FBXL2: variants seen among roughly 807,000 people sequenced by gnomAD.
FBXL2 encodes F-box and leucine rich repeat protein 2, also known as F-box/LRR-repeat protein 2.
In FBXL2, 38 loss-of-function variants were observed where a neutral mutation model predicts 69.2. That is an observed-to-expected ratio of 0.55 (90% CI 0.42 to 0.72). The LOEUF is 0.72. Ranked by LOEUF, FBXL2 falls within the 30% of genes least tolerant of loss-of-function variation. The pLI, the probability that FBXL2 is intolerant of heterozygous loss-of-function variation, is 0.00. For synonymous variants in FBXL2, 192 were observed against 201.3 expected (o/e 0.95, Z 0.39); for missense variants, 354 against 520.3 (o/e 0.68, Z 3.11).
the FBXL2 span, among the ~76,000 whole-genome samples, chr3:33,421,036 A>G: frequency 6.6e-6 from 1 of 152,232 alleles, no homozygotes; most frequent in East Asian, 1.9e-4. Flanking sequence ...GTAGCAAGTC[A>G]GCAAGGGGGT....
intron 1 of FBXL2, among the ~76,000 whole-genome samples, chr3:33,294,157 C>T (rs898718837): frequency 7.2e-5 from 11 of 152,124 alleles, no homozygotes; most frequent in South Asian, 2.1e-4. Context: ...AGTGCAGTAG[C>T]GTGGTCATAG....
At chr3:33,377,470 T>C (rs2042718705) in intron 11 of FBXL2, 137 bp downstream of exon 11, 1 of 776,790 alleles carries the variant, frequency 1.3e-6, no homozygotes, top group African/African-American at 1.7e-5. Context: ...CCTTGGGGTG[T>C]GTACTGCAGT....
At chr3:33,341,096 C>CAGAAAG (rs2039985132) in intron 2 of FBXL2, among the ~76,000 whole-genome samples, 1 of 152,048 alleles carries the variant, frequency 6.6e-6, no homozygotes, top group African/African-American at 2.4e-5. Context: ...GCTTTCAATG[C>CAGAAAG]TTCTTATTAC....
intron 2 of FBXL2, among the ~76,000 whole-genome samples, chr3:33,326,002 G>T (rs2038661402): frequency 6.6e-6 from 1 of 152,212 alleles, no homozygotes; most frequent in Non-Finnish European, 1.5e-5. Flanking sequence ...CTATTCTGGT[G>T]TCATTTTTCT....
chr3:33,416,793 C>G, the FBXL2 span: 3 of 1,613,580 alleles, frequency 1.9e-6, no homozygotes, highest in South Asian at 3.3e-5. Flanking sequence ...GGCATATCAC[C>G]CATTTTCCGA....
At chr3:33,347,092 T>A (rs1221474732) in intron 2 of FBXL2, among the ~76,000 whole-genome samples, 2 of 152,146 alleles carry the variant, frequency 1.3e-5, no homozygotes, top group Non-Finnish European at 2.9e-5. Flanking sequence ...CCATTAACCA[T>A]CCCTATGTCC....
At chr3:33,355,761 G>A (rs891643999) in intron 2 of FBXL2, among the ~76,000 whole-genome samples, 3 of 152,186 alleles carry the variant, frequency 2.0e-5, no homozygotes, top group African/African-American at 7.2e-5. Flanking sequence ...TTGAGATAAG[G>A]AAGCACTTTC....
intron 2 of FBXL2, among the ~76,000 whole-genome samples, chr3:33,316,789 T>A (rs144527080): frequency 6.6e-6 from 1 of 152,312 alleles, no homozygotes; most frequent in East Asian, 1.9e-4. Flanking sequence ...AAGTATAATT[T>A]ACAGACAATA....
At chr3:33,349,067 T>C (rs1336241606) in intron 2 of FBXL2, among the ~76,000 whole-genome samples, 1 of 152,182 alleles carries the variant, frequency 6.6e-6, no homozygotes, top group Non-Finnish European at 1.5e-5. Flanking sequence ...CAAACAAGGA[T>C]AATGTGACTT....
chr3:33,304,780 AGTGCCAAACTGAATCTCTTTCCAAC>A (rs2036575765), intron 2 of FBXL2, among the ~76,000 whole-genome samples: 2 of 152,076 alleles, frequency 1.3e-5, no homozygotes, highest in African/African-American at 4.8e-5. Flanking sequence ...TAAGAGATTC[AGTGCCAAACTGAATCTCTTTCCAAC>A]ACTTAGTGTT....
intron 1 of FBXL2, among the ~76,000 whole-genome samples, chr3:33,287,907 T>C (rs2034815850): frequency 6.6e-6 from 1 of 152,252 alleles, no homozygotes; most frequent in Admixed American, 6.5e-5. Context: ...CAAGCTGTTG[T>C]CATGTTGTCT....
chr3:33,418,397 G>C, the FBXL2 span, among the ~76,000 whole-genome samples: 3 of 151,946 alleles, frequency 2.0e-5, no homozygotes, highest in Non-Finnish European at 4.4e-5. Flanking sequence ...TGGGATTACA[G>C]GTGCCCGCCA....
At chr3:33,367,897 C>G (rs1003310182) in intron 5 of FBXL2, among the ~76,000 whole-genome samples, 9 of 152,076 alleles carry the variant, frequency 5.9e-5, no homozygotes, top group African/African-American at 1.7e-4. Flanking sequence ...GCCACAAATT[C>G]TTATATGCTA....
intron 13 of FBXL2, chr3:33,383,647 G>A (rs1396202693): frequency 3.8e-6 from 1 of 260,330 alleles, no homozygotes; most frequent in African/African-American, 2.2e-5. Flanking sequence ...AATCTCCCCT[G>A]AAGATTTTAT....
At chr3:33,303,476 A>C (rs2125736008) in intron 2 of FBXL2, among the ~76,000 whole-genome samples, 1 of 152,232 alleles carries the variant, frequency 6.6e-6, no homozygotes, top group Non-Finnish European at 1.5e-5. Context: ...TCTGAGGATG[A>C]CTTTGGATTT....
intron 2 of FBXL2, among the ~76,000 whole-genome samples, chr3:33,339,470 A>G (rs1275383520): frequency 1.3e-5 from 2 of 152,198 alleles, no homozygotes; most frequent in African/African-American, 2.4e-5. Flanking sequence ...CAAATACTGC[A>G]TTTTTTTAAA....
At chr3:33,337,360 C>G (rs959461731) in intron 2 of FBXL2, among the ~76,000 whole-genome samples, 1 of 151,912 alleles carries the variant, frequency 6.6e-6, no homozygotes, top group Admixed American at 6.6e-5. Flanking sequence ...TCACAAAAAC[C>G]CCCAAAATGG....
rs754251337 is a variant in FBXL2, at chr3:33,373,708, C to A, written c.582+4C>A. 2.5e-6 allele frequency: 4 copies of A among 1,614,132 alleles called. No homozygotes were observed. In the Admixed American group the frequency reaches 5.0e-5, roughly 20 times the overall value. ...GCTCCTGAGGGGCTGCACACAGGTA[C>A]CAGAGGGTTGATACAGCTGTTTGTG... On this transcript the variant is annotated splice_donor_region_variant and intron_variant, in intron 8 of 14. Transcript: ENST00000484457.
At chr3:33,389,096 G>A (rs1453243440), downstream of FBXL2, 3 of 152,636 alleles carry the variant, frequency 2.0e-5, no homozygotes, top group African/African-American at 7.2e-5. Flanking sequence ...CGGAGATATG[G>A]GAGGAAAGTG....
Sources: allele counts gnomAD v4.1 joint callset (sites outside exome capture counted in the v4.1 genomes callset), GRCh38; gene constraint gnomAD v4.1.1; transcripts MANE v1.5; gene names NCBI Gene and HGNC (gene_info 2026-07-23, HGNC 2026-07-21).